Variants in RGL1 observed in about 807,000 individuals in gnomAD.
The protein encoded by RGL1 is ral guanine nucleotide dissociation stimulator like 1.
In RGL1, 24 loss-of-function variants were observed where a neutral mutation model predicts 95.2. The ratio of observed to expected loss-of-function variants is 0.25; its 90% CI spans 0.18 to 0.35. The LOEUF is 0.35. Ranked by LOEUF, RGL1 falls within the 10% of genes least tolerant of loss-of-function variation. The pLI, the probability that RGL1 is intolerant of heterozygous loss-of-function variation, is 1.00. For synonymous variants in RGL1, 329 were observed against 344.9 expected (o/e 0.95, Z 0.51); for missense variants, 715 against 936.3 (o/e 0.76, Z 3.08).
intron 3 of RGL1, among the ~76,000 whole-genome samples, chr1:183,850,449 A>G (rs927804036): frequency 1.4e-4 from 22 of 152,356 alleles, no homozygotes; most frequent in South Asian, 8.3e-4. Flanking sequence ...GTTATTGACA[A>G]TAGTGGGTTT....
upstream of RGL1, among the ~76,000 whole-genome samples, chr1:183,802,632 C>T (rs982861765): frequency 2.6e-5 from 3 of 115,344 alleles, no homozygotes; most frequent in Middle Eastern, 4.8e-3. Flanking sequence ...CCCTTATAAA[C>T]TAATAAACAA....
intron 2 of RGL1, among the ~76,000 whole-genome samples, chr1:183,750,671 C>A (rs1012061904): frequency 6.6e-6 from 1 of 152,242 alleles, no homozygotes; most frequent in African/African-American, 2.4e-5. Flanking sequence ...CATTTTTGGG[C>A]TGGCTTCTCC....
intron 1 of RGL1, among the ~76,000 whole-genome samples, chr1:183,699,105 C>T (rs1383485345): frequency 6.6e-6 from 1 of 152,234 alleles, no homozygotes; most frequent in Non-Finnish European, 1.5e-5. Context: ...TGATATCTGA[C>T]AATGGTACCA....
chr1:183,864,577 A>C (rs1281836028), intron 3 of RGL1, among the ~76,000 whole-genome samples: 1 of 152,196 alleles, frequency 6.6e-6, no homozygotes, highest in African/African-American at 2.4e-5. Context: ...CTTGTTTTCC[A>C]TCCTTGCCTT....
At chr1:183,903,165 G>A (rs1275966053) in intron 12 of RGL1, among the ~76,000 whole-genome samples, 2 of 151,938 alleles carry the variant, frequency 1.3e-5, no homozygotes, top group African/African-American at 4.8e-5. Context: ...TAAAAACCAG[G>A]TTTACCCTAT....
chr1:183,644,505 A>G (rs116656068), intron 1 of RGL1, among the ~76,000 whole-genome samples: 1,975 of 152,138 alleles, frequency 0.013, 47 homozygotes, highest in African/African-American at 0.046. Context: ...GGCTCGCTGC[A>G]GCCTCTACTT....
chr1:183,655,538 T>C (rs1386715247), intron 1 of RGL1, among the ~76,000 whole-genome samples: 1 of 152,198 alleles, frequency 6.6e-6, no homozygotes, highest in Non-Finnish European at 1.5e-5. Context: ...TAAGTAGATT[T>C]CATGGAGCTC....
At chr1:183,885,932 A>G (rs1226889370) in intron 7 of RGL1, among the ~76,000 whole-genome samples, 1 of 152,034 alleles carries the variant, frequency 6.6e-6, no homozygotes, top group Admixed American at 6.5e-5. Flanking sequence ...GATTTTTGGT[A>G]TTTGAAGATT....
chr1:183,735,483 T>C (rs916826547), intron 1 of RGL1, among the ~76,000 whole-genome samples: 7 of 152,168 alleles, frequency 4.6e-5, no homozygotes, highest in Non-Finnish European at 8.8e-5. Flanking sequence ...TTATGTCTAA[T>C]CTTGCTCTTA....
intron 11 of RGL1, among the ~76,000 whole-genome samples, chr1:183,902,357 A>G (rs1668076508): frequency 6.6e-6 from 1 of 152,230 alleles, no homozygotes; most frequent in South Asian, 2.1e-4. Context: ...AGACATTTCA[A>G]GAGAAGGCTT....
chr1:183,916,414 C>G, intron 15 of RGL1, 33 bp from the exon 16 acceptor site: 1 of 1,608,862 alleles, frequency 6.2e-7, no homozygotes, highest in Non-Finnish European at 8.5e-7. Flanking sequence ...GCGTTCTAAT[C>G]TGTTTTCTTC....
At chr1:183,725,359 C>A (rs1656253675) in intron 1 of RGL1, among the ~76,000 whole-genome samples, 1 of 152,074 alleles carries the variant, frequency 6.6e-6, no homozygotes, top group Non-Finnish European at 1.5e-5. Context: ...TCTTGGGAGG[C>A]CTCAGGAAAC....
intron 2 of RGL1, 62 bp downstream of exon 2, chr1:183,806,547 C>T (rs909269356): frequency 9.0e-7 from 1 of 1,112,604 alleles, no homozygotes. Flanking sequence ...CTGTGAATAT[C>T]ATTATTATTT....
chr1:183,755,791 T>G (rs982057083), intron 2 of RGL1, among the ~76,000 whole-genome samples: 21 of 152,164 alleles, frequency 1.4e-4, no homozygotes, highest in Admixed American at 1.2e-3. Context: ...TTTCGAGAGC[T>G]TAGAGCATGT....
intron 9 of RGL1, among the ~76,000 whole-genome samples, chr1:183,893,062 CTTTT>C (rs980928272): frequency 1.3e-5 from 2 of 152,148 alleles, no homozygotes; most frequent in Non-Finnish European, 2.9e-5. Context: ...TTCTTCTGAC[CTTTT>C]TGGAGTAAGG....
intron 5 of RGL1, 112 bp downstream of exon 5, chr1:183,880,912 CA>C: frequency 1.1e-6 from 1 of 897,072 alleles, no homozygotes; most frequent in Non-Finnish European, 1.7e-6. Context: ...ACCCTCAAAA[CA>C]ACATGCTGCT....
chr1:183,888,661 C>T lies in RGL1; in HGVS notation c.1055+84C>T, dbSNP rs931368375. 5.6e-5 allele frequency: 45 copies of T among 803,330 alleles called. No homozygotes were observed. In the East Asian group the frequency reaches 9.4e-4, roughly 17 times the overall value. 49.8% of individuals were successfully genotyped at this position (803,330 alleles called of 1,614,324 possible). A position where few individuals can be genotyped will look rare whatever the true frequency, so the allele number is the denominator to read the frequency against. On this transcript the variant is annotated intron_variant, in intron 8 of 17. Coordinates refer to ENST00000360851, the MANE Select transcript of RGL1 (RefSeq NM_001297671.3). ...GAGTCCTCACCTTCAAAGCTTGTAT[C>T]GCATAACTAGAGAAACATATTTGAA...
At chr1:183,665,427 G>C (rs1344244862) in intron 1 of RGL1, among the ~76,000 whole-genome samples, 1 of 152,096 alleles carries the variant, frequency 6.6e-6, no homozygotes, top group African/African-American at 2.4e-5. Flanking sequence ...TCTTTCACTT[G>C]CTTCTATCTT....
chr1:183,757,855 G>T (rs905530035), intron 2 of RGL1, among the ~76,000 whole-genome samples: 1 of 152,106 alleles, frequency 6.6e-6, no homozygotes, highest in Non-Finnish European at 1.5e-5. Context: ...TCTCTCATTT[G>T]TCTTTGTTCT....
Sources: allele counts gnomAD v4.1 joint callset (sites outside exome capture counted in the v4.1 genomes callset), GRCh38; gene constraint gnomAD v4.1.1; transcripts MANE v1.5; gene names NCBI Gene and HGNC (gene_info 2026-07-23, HGNC 2026-07-21).